PRKG1: variants seen among roughly 807,000 people sequenced by gnomAD.
The protein encoded by PRKG1 is cGMP-dependent protein kinase 1.
Under a neutral mutation model 88.1 loss-of-function variants are expected in PRKG1, and 35 were observed. The observed-to-expected ratio is 0.40, with a 90% CI of 0.30 to 0.53. PRKG1 has a LOEUF of 0.53. PRKG1 is among the 20% of genes least tolerant of loss of function. PRKG1 has a pLI of 0.59. For missense variants in PRKG1, 540 were observed against 839.8 expected (o/e 0.64, Z 4.41); for synonymous variants, 303 against 292.5 (o/e 1.04, Z -0.37).
At chr10:51,682,764 C>G (rs1840883390) in intron 3 of PRKG1, among the ~76,000 whole-genome samples, 1 of 152,112 alleles carries the variant, frequency 6.6e-6, no homozygotes, top group African/African-American at 2.4e-5. Flanking sequence ...GTGCTAGAGC[C>G]AGAATTTGAA....
rs117086309 is a variant in PRKG1 at position 51,526,470 on chromosome 10, A to G, written c.592+58634A>G. On this transcript the variant is annotated intron_variant, in intron 3 of 17. Coordinates refer to ENST00000373980, the MANE Select transcript of PRKG1 (RefSeq NM_006258.4). The stretch of plus-strand genomic sequence containing the variant: ...TTGTCGTGGTTCACACTTTATTTGT[A>G]TTGGGGCAGAACTGATAAAGATTTC... 1.3e-4 allele frequency among the ~76,000 whole-genome samples: 20 copies of G among 152,250 alleles called. No individual in the cohort carries two copies. The East Asian group carries it at 3.9e-3, about 29-fold the overall frequency.
intron 2 of PRKG1, among the ~76,000 whole-genome samples, chr10:51,202,653 T>G (rs1345697954): frequency 3.3e-5 from 5 of 152,158 alleles, no homozygotes; most frequent in Non-Finnish European, 7.4e-5. Flanking sequence ...AATACAAGGG[T>G]AGTTTATGGG....
intron 5 of PRKG1, among the ~76,000 whole-genome samples, chr10:51,975,705 A>G (rs1843815831): frequency 6.6e-6 from 1 of 152,102 alleles, no homozygotes; most frequent in South Asian, 2.1e-4. Context: ...AACTCTTAGA[A>G]GGAAACATAA....
At chr10:51,667,841 T>C (rs1840460992) in intron 3 of PRKG1, among the ~76,000 whole-genome samples, 1 of 152,234 alleles carries the variant, frequency 6.6e-6, no homozygotes, top group Admixed American at 6.5e-5. Flanking sequence ...CTATATTGTG[T>C]TCACAGTGCA....
intron 3 of PRKG1, among the ~76,000 whole-genome samples, chr10:51,733,963 TTAAA>T (rs1252754125): frequency 1.4e-4 from 21 of 152,316 alleles, no homozygotes; most frequent in African/African-American, 4.6e-4. Flanking sequence ...ACTCCAGCTA[TTAAA>T]TAGTGTTATT....
intron 7 of PRKG1, among the ~76,000 whole-genome samples, chr10:52,115,721 A>G (rs1219707624): frequency 6.6e-6 from 1 of 152,138 alleles, no homozygotes; most frequent in African/African-American, 2.4e-5. Flanking sequence ...AAACTGTGTT[A>G]CTTACTAGAC....
chr10:51,622,094 T>C lies in PRKG1; in HGVS notation c.592+154258T>C, dbSNP rs181684860. Among the ~76,000 whole-genome samples the C allele has an allele frequency of 1.9e-3, 297 of 152,330 alleles. 1 individual carries two copies. The highest frequency in any genetic ancestry group is 6.7e-3 in the African/African-American group (280 of 41,582). ...GATGACATGTGGCTCTGCTTCAAAG[T>C]GTAAATCAATACTTTCAGGTAATAT... is the stretch of plus-strand genomic sequence containing the variant. On this transcript the variant is annotated intron_variant, in intron 3 of 17. Transcript: ENST00000373980.
At chr10:51,238,451 C>T (rs1396777779) in intron 2 of PRKG1, among the ~76,000 whole-genome samples, 15 of 151,916 alleles carry the variant, frequency 9.9e-5, no homozygotes, top group South Asian at 2.1e-4. Flanking sequence ...GGCGTGGTGG[C>T]GGGCCCCGTT....
chr10:51,818,086 A>G (rs1202177953), intron 4 of PRKG1, among the ~76,000 whole-genome samples: 1 of 152,206 alleles, frequency 6.6e-6, no homozygotes, highest in Non-Finnish European at 1.5e-5. Context: ...GGATTGGGCC[A>G]TCTGAAAATA....
intron 1 of PRKG1, among the ~76,000 whole-genome samples, chr10:51,027,533 A>G (rs1161043172): frequency 6.6e-6 from 1 of 152,214 alleles, no homozygotes; most frequent in Non-Finnish European, 1.5e-5. Flanking sequence ...GTTTAGATGT[A>G]TCTAAAACTT....
At chr10:51,029,004 C>T (rs562570046) in intron 1 of PRKG1, among the ~76,000 whole-genome samples, 75 of 152,178 alleles carry the variant, frequency 4.9e-4, no homozygotes, top group African/African-American at 1.8e-3. Flanking sequence ...AAGATAACTT[C>T]CTTCCACTCC....
At chr10:52,018,867 G>T (rs1009805715) in intron 5 of PRKG1, among the ~76,000 whole-genome samples, 1 of 152,184 alleles carries the variant, frequency 6.6e-6, no homozygotes, top group Non-Finnish European at 1.5e-5. Context: ...TGGTCAATGT[G>T]ATTAGGCCAA....
At chr10:51,992,663 C>A (rs1844343311) in intron 5 of PRKG1, among the ~76,000 whole-genome samples, 1 of 152,108 alleles carries the variant, frequency 6.6e-6, no homozygotes, top group Non-Finnish European at 1.5e-5. Flanking sequence ...CTGAATAATG[C>A]AGTTTTGTCT....
In PRKG1 at chr10:51,633,747, G is replaced by A. The variant is rs1470725073; in HGVS notation, c.592+165911G>A. Among the ~76,000 whole-genome samples the A allele has an allele frequency of 2.5e-4, 38 of 152,094 alleles. 1 individual carries two copies. Among genetic ancestry groups the A allele is most frequent in the Admixed American group, 2.5e-3 (38 of 15,262 alleles). ...TTTAGATTTTACTTTTTTCCCCAAAGAAGCCAAATCCAGATTTTTAACATG... is the reference window on the plus strand; with the variant it reads ...TTTAGATTTTACTTTTTTCCCCAAAAAAGCCAAATCCAGATTTTTAACATG... On this transcript the variant is annotated intron_variant, in intron 3 of 17. Transcript: ENST00000373980.
rs562236312 is a variant in PRKG1, at chr10:52,216,530, A to G, written c.1077-35040A>G. ...GAAAAATACCTGTTTATTAAAATGG[A>G]CATTACCTATTTTCTCATCTTTACC... On this transcript the variant is annotated intron_variant, in intron 9 of 17. Transcript: ENST00000373980. 3.9e-5 allele frequency among the ~76,000 whole-genome samples: 6 copies of G among 152,316 alleles called. No homozygotes were observed. In the East Asian group the frequency reaches 1.2e-3, roughly 29 times the overall value.
intron 10 of PRKG1, among the ~76,000 whole-genome samples, chr10:52,270,389 T>C (rs1177946115): frequency 2.6e-5 from 4 of 152,100 alleles, no homozygotes; most frequent in Non-Finnish European, 5.9e-5. Context: ...TAAAGGATTA[T>C]AAATCATGCT....
chr10:51,644,008 G>A (rs918014714), intron 3 of PRKG1, among the ~76,000 whole-genome samples: 1 of 137,670 alleles, frequency 7.3e-6, no homozygotes, highest in African/African-American at 3.0e-5. Flanking sequence ...TTGTGAGGTT[G>A]TTGTGAGGAT....
At chr10:51,432,841 C>T (rs969859285) in intron 2 of PRKG1, among the ~76,000 whole-genome samples, 4 of 152,158 alleles carry the variant, frequency 2.6e-5, no homozygotes, top group Non-Finnish European at 5.9e-5. Flanking sequence ...GTTTTAACTA[C>T]GTCCCTTCAT....
rs376892192 is a variant in PRKG1 at position 51,779,983 on chromosome 10, G to C, written c.593-24602G>C. On this transcript the variant is annotated intron_variant, in intron 3 of 17. Coordinates refer to ENST00000373980, the MANE Select transcript of PRKG1 (RefSeq NM_006258.4). ...GATTCTGATTGGCAGAAAAGGTTGA[G>C]GGCTAAAGTGAGCCTGGTTTTGATG... 1.8e-4 allele frequency among the ~76,000 whole-genome samples: 27 copies of C among 152,198 alleles called. 1 individual carries two copies. In the East Asian group the frequency reaches 3.5e-3, roughly 20 times the overall value.
Sources: allele counts gnomAD v4.1 joint callset (sites outside exome capture counted in the v4.1 genomes callset), GRCh38; gene constraint gnomAD v4.1.1; transcripts MANE v1.5; gene names NCBI Gene and HGNC (gene_info 2026-07-23, HGNC 2026-07-21).